The following MFAP2 variants were observed in gnomAD, a reference collection of about 807,000 sequenced individuals.
The protein encoded by MFAP2 is microfibril associated protein 2.
A neutral mutation model predicts 30.6 loss-of-function variants in MFAP2; 23 were observed. That is an observed-to-expected ratio of 0.75 (90% confidence interval 0.54 to 1.07). The LOEUF is 1.07. Among genes scored for constraint, MFAP2 ranks in the 50% least tolerant of loss-of-function variants. The pLI, the probability that MFAP2 is intolerant of heterozygous loss-of-function variation, is 0.00. For missense variants in MFAP2, 198 were observed against 223.8 expected (o/e 0.88, Z 0.74); for synonymous variants, 73 against 85.7 (o/e 0.85, Z 0.82).
chr1:16,980,232 T>C (rs1452799681), intron 1 of MFAP2, among the ~76,000 whole-genome samples: 1 of 148,890 alleles, frequency 6.7e-6, no homozygotes, highest in African/African-American at 2.5e-5. Context: ...TCTCTCTTTG[T>C]CTCTCTGCGT....
chr1:16,978,428 G>A, intron 1 of MFAP2, 114 bp from the exon 2 acceptor site: 2 of 842,376 alleles, frequency 2.4e-6, no homozygotes, highest in South Asian at 3.5e-5. Context: ...TAGAAGCCAG[G>A]CATGGGAGGG....
upstream of MFAP2, among the ~76,000 whole-genome samples, chr1:16,981,406 C>A (rs547423495): frequency 2.0e-5 from 3 of 152,246 alleles, no homozygotes; most frequent in South Asian, 6.2e-4. Context: ...CCAGACCTGG[C>A]CCTCCAGGAT....
At position 16,980,182 on chromosome 1, in the gene MFAP2, C is replaced by A. The variant is rs1246351689; in HGVS notation, c.-42+405G>T. On this transcript the variant is annotated intron_variant, in intron 1 of 8. Coordinates refer to ENST00000375535, the MANE Select transcript of MFAP2 (RefSeq NM_002403.4). ...CCGCACAGCTGGGAACAATCAGCCG[C>A]GGAAACTTGCTCCGCGCGCCCTCGC... 5.3e-5 allele frequency among the ~76,000 whole-genome samples: 8 copies of A among 152,034 alleles called. No individual in the cohort carries two copies. The East Asian group carries it at 1.6e-3, about 30-fold the overall frequency.
intron 1 of MFAP2, among the ~76,000 whole-genome samples, 159 bp downstream of exon 1, chr1:16,980,428 C>T (rs56265117): frequency 0.37 from 56,102 of 151,656 alleles, 11,446 homozygotes; most frequent in East Asian, 0.59. Context: ...TTCCAGGTGC[C>T]CCCTTGGCCT....
rs1231778940 is a variant in MFAP2, at chr1:16,977,147, G to C, written c.89C>G (p.Pro30Arg). ...QYDLDPLPPF[P>R]DHVQYTHYSD... ...ATAGTGGGTGTACTGGACGTGGTCA[G>C]GGAACGGCGGCAGCGGGTCCAGGTC... is the stretch of plus-strand genomic sequence containing the variant. Residue 30 changes from proline (P) to arginine (R), a missense_variant, in exon 3 of 9, where the codon CCT becomes CGT. Pro to Arg is a moderately radical substitution (Grantham distance 103). Coordinates refer to ENST00000375535, the MANE Select transcript of MFAP2 (RefSeq NM_002403.4). 1 of 1,613,596 alleles carries C rather than the reference G, an allele frequency of 6.2e-7. No individual in the cohort carries two copies. Among genetic ancestry groups the C allele is most frequent in the South Asian group, 1.1e-5 (1 of 91,084 alleles).
In MFAP2 at chr1:16,975,386, A is replaced by T; in HGVS notation, c.375-44T>A. 1 of 1,599,830 alleles carries T rather than the reference A, an allele frequency of 6.3e-7. No individual in the cohort carries two copies. The highest frequency in any genetic ancestry group is 8.5e-7 in the Non-Finnish European group (1 of 1,169,970). On this transcript the variant is annotated intron_variant, in intron 7 of 8. Transcript: ENST00000375535. The surrounding 1 kb of genome is among the most constrained non-coding windows in gnomAD (Gnocchi z 5.0). ...GGAGGTCTCAGCCCCACTTCCACCC[A>T]ATCCCACTGGGATAGCCCAGACAGA...
In MFAP2 at chr1:16,976,866, G is replaced by GGCCCGTCCTATCCTACCCCTA. The variant is rs751584438; in HGVS notation, c.154+10_154+30dup. On this transcript the variant is annotated intron_variant, in intron 4 of 8. Coordinates refer to ENST00000375535, the MANE Select transcript of MFAP2 (RefSeq NM_002403.4). The surrounding 1 kb of genome is among the most constrained non-coding windows in gnomAD (Gnocchi z 5.5). The stretch of plus-strand genomic sequence containing the variant: ...AGGGGGTCTCCCCACCCCAGCTGCC[G>GGCCCGTCCTATCCTACCCCTA]GCCCGTCCTATCCTACCCCTAGCCC... 5 of 1,614,066 alleles carry GGCCCGTCCTATCCTACCCCTA rather than the reference G, an allele frequency of 3.1e-6. No individual in the cohort carries two copies. In the South Asian group the frequency reaches 4.4e-5, roughly 14 times the overall value.
chr1:16,978,027 G>A, intron 2 of MFAP2: 2 of 521,506 alleles, frequency 3.8e-6, no homozygotes, highest in Non-Finnish European at 7.0e-6. Flanking sequence ...TGCTGCTGTG[G>A]AAGGCTGGGG....
At chr1:16,977,276 C>A (rs112239991) in intron 2 of MFAP2, 78 bp from the exon 3 acceptor site, 20 of 1,431,216 alleles carry the variant, frequency 1.4e-5, no homozygotes, top group Non-Finnish European at 1.7e-5. Context: ...AGAGTGGAGG[C>A]GGGGGTCACA....
Position 16,976,610 on chromosome 1 carries a change from C to A in MFAP2, c.242-65G>T. Reference sequence around the variant, plus strand: ...GGTCTCCTCAGGGCAAGGGGAGTCACCTCTCCCAGCCCTGGCAGACCCCCA... The same window carrying A: ...GGTCTCCTCAGGGCAAGGGGAGTCAACTCTCCCAGCCCTGGCAGACCCCCA... On this transcript the variant is annotated intron_variant, in intron 5 of 8. Transcript: ENST00000375535. This position sits in a 1 kb window ranked among gnomAD's most constrained non-coding sequence, Gnocchi z 5.5. 1 of 1,612,002 alleles carries A rather than the reference C, an allele frequency of 6.2e-7. No homozygotes were observed. The highest frequency in any genetic ancestry group is 8.5e-7 in the Non-Finnish European group (1 of 1,178,130).
chr1:16,977,038 T>G (rs2076598644), intron 3 of MFAP2, 71 bp downstream of exon 3: 5 of 1,612,136 alleles, frequency 3.1e-6, no homozygotes, highest in Non-Finnish European at 4.2e-6. Context: ...CATCAGCGTG[T>G]CCAGTGCGGT....
At chr1:16,978,736 T>G (rs1294591707) in intron 1 of MFAP2, among the ~76,000 whole-genome samples, 1 of 152,180 alleles carries the variant, frequency 6.6e-6, no homozygotes, top group African/African-American at 2.4e-5. Flanking sequence ...GGCCCATCCT[T>G]GGGACCCCAG....
chr1:16,976,556 G>A lies in MFAP2; in HGVS notation c.242-11C>T, dbSNP rs772579505. On this transcript the variant is annotated splice_polypyrimidine_tract_variant and intron_variant, in intron 5 of 8. Transcript: ENST00000375535. The surrounding 1 kb of genome is among the most constrained non-coding windows in gnomAD (Gnocchi z 5.5). ...CTGCATTTCCTGGTTCTGGTGTGGAGACAGAGGTAGGCAGACATCACTGGG... is the reference window on the plus strand; with the variant it reads ...CTGCATTTCCTGGTTCTGGTGTGGAAACAGAGGTAGGCAGACATCACTGGG... The A allele has an allele frequency of 3.7e-6, 6 of 1,614,092 alleles. No homozygotes were observed. The African/African-American group carries it at 8.0e-5, about 22-fold the overall frequency.
intron 1 of MFAP2, among the ~76,000 whole-genome samples, chr1:16,979,335 CG>C (rs1436872035): frequency 6.6e-6 from 1 of 152,200 alleles, no homozygotes; most frequent in Non-Finnish European, 1.5e-5. Flanking sequence ...GGGCCCCTCC[CG>C]GCTGCAACCC....
rs749456016 is a variant in MFAP2 at position 16,976,127 on chromosome 1, C to G, written c.286+374G>C. The G allele has an allele frequency of 2.1e-6, 1 of 487,032 alleles. No individual in the cohort carries two copies. The highest frequency in any genetic ancestry group is 3.7e-6 in the Non-Finnish European group (1 of 267,326). 30.2% of individuals were successfully genotyped at this position (487,032 alleles called of 1,614,324 possible). A position where few individuals can be genotyped will look rare whatever the true frequency, so the allele number is the denominator to read the frequency against. Reference sequence around the variant, plus strand: ...ACACCTTGTTCTTTCAAGCTCTCAGCTAGGGCAGCCGGAGGGCACCGCTCA... The same window carrying G: ...ACACCTTGTTCTTTCAAGCTCTCAGGTAGGGCAGCCGGAGGGCACCGCTCA... On this transcript the variant is annotated intron_variant, in intron 6 of 8. Coordinates refer to ENST00000375535, the MANE Select transcript of MFAP2 (RefSeq NM_002403.4). This position sits in a 1 kb window ranked among gnomAD's most constrained non-coding sequence, Gnocchi z 5.5.
At chr1:16,977,919 G>A (rs1057232182) in intron 2 of MFAP2, 1 of 322,808 alleles carries the variant, frequency 3.1e-6, no homozygotes, top group Non-Finnish European at 5.9e-6. Flanking sequence ...CCTGCCTTGG[G>A]TGCCCCTGCA....
chr1:16,975,183 G>A lies in MFAP2; in HGVS notation c.448+86C>T. On this transcript the variant is annotated intron_variant, in intron 8 of 8. Coordinates refer to ENST00000375535, the MANE Select transcript of MFAP2 (RefSeq NM_002403.4). This position sits in a 1 kb window ranked among gnomAD's most constrained non-coding sequence, Gnocchi z 5.0. ...GTGGGCCTGGTGGATAATATGTGTT[G>A]AATAAACATCAGGTGGGTGGCTAGG... 7 of 1,372,928 alleles carry A rather than the reference G, an allele frequency of 5.1e-6. No homozygotes were observed. Among genetic ancestry groups the A allele is most frequent in the Non-Finnish European group, 7.2e-6 (7 of 974,928 alleles). The allele number at this position is 1,372,928 out of a possible 1,614,324, so 85.0% of individuals were successfully genotyped here.
In MFAP2 at chr1:16,975,106, A is replaced by T. The variant is rs2076577679; in HGVS notation, c.449-83T>A. ...CCCCTCCCCCAACTCTGGTGATGGG[A>T]GTGTTTTGAGGATGAAAAGTAGCAA... On this transcript the variant is annotated intron_variant, in intron 8 of 8. Transcript: ENST00000375535. This position sits in a 1 kb window ranked among gnomAD's most constrained non-coding sequence, Gnocchi z 5.0. 7.3e-7 allele frequency: 1 copy of T among 1,366,152 alleles called. No homozygotes were observed. The allele number at this position is 1,366,152 out of a possible 1,614,324, so 84.6% of individuals were successfully genotyped here.
chr1:16,978,418 T>G (rs2076611217), intron 1 of MFAP2, 104 bp from the exon 2 acceptor site: 2 of 941,528 alleles, frequency 2.1e-6, no homozygotes, highest in Non-Finnish European at 3.2e-6. Flanking sequence ...GCACCCAGAA[T>G]AGAAGCCAGG....
Sources: gnomAD v4.1 joint callset for allele counts (sites outside exome capture counted in the v4.1 genomes callset) on GRCh38, gnomAD v4.1.1 for gene constraint, Gnocchi (gnomAD v3.1) non-coding constraint, MANE v1.5 for transcripts, NCBI Gene and HGNC (gene_info 2026-07-23, HGNC 2026-07-21) for gene names.